Variants in MAP9 observed in about 807,000 individuals in gnomAD.
The protein encoded by MAP9 is microtubule associated protein 9.
MAP9 carries 80 observed loss-of-function variants against 75.2 expected under a neutral mutation model. That is an observed-to-expected ratio of 1.06 (90% CI 0.89 to 1.28). The LOEUF (loss-of-function observed/expected upper bound fraction) is 1.28. Ranked by LOEUF, MAP9 falls within the 50% of genes most tolerant of loss-of-function variation. The pLI is 0.00. For synonymous variants in MAP9, 235 were observed against 237.3 expected (o/e 0.99, Z 0.09); for missense variants, 753 against 719.9 (o/e 1.05, Z -0.53).
chr4:155,360,563 A>G, intron 6 of MAP9, 148 bp from the exon 7 acceptor site: 2 of 756,978 alleles, frequency 2.6e-6, no homozygotes, highest in South Asian at 4.4e-5. Context: ...TTAAACTTGC[A>G]TAAACTCTTT....
chr4:155,367,034 C>T (rs1732361798), intron 5 of MAP9, among the ~76,000 whole-genome samples: 1 of 152,066 alleles, frequency 6.6e-6, no homozygotes, highest in Non-Finnish European at 1.5e-5. Flanking sequence ...AATCACATCC[C>T]ACAATAAAAT....
intron 2 of MAP9, among the ~76,000 whole-genome samples, chr4:155,375,252 T>C (rs1476076544): frequency 1.3e-5 from 2 of 152,164 alleles, no homozygotes; most frequent in Non-Finnish European, 2.9e-5. Flanking sequence ...GCAGTTTAAC[T>C]AGAGGAGACA....
intron 5 of MAP9, among the ~76,000 whole-genome samples, chr4:155,363,994 C>T (rs1448252887): frequency 2.0e-5 from 3 of 152,012 alleles, no homozygotes; most frequent in East Asian, 1.9e-4. Flanking sequence ...GAAAGCTCAA[C>T]AAACGTCAAG....
rs1449787656 is a variant in MAP9, at chr4:155,353,205, C to T, written c.1516G>A (p.Ala506Thr). ...TGTAGTGCTTCTCCTTTTCTTGCAGCATTTTCTTCTTCAGTTTTCTTCTTG... is the reference window on the plus strand; with the variant it reads ...TGTAGTGCTTCTCCTTTTCTTGCAGTATTTTCTTCTTCAGTTTTCTTCTTG... ...KNKKKTEEENAARKGEALQAF... is the reference protein window; with the variant it reads ...KNKKKTEEENTARKGEALQAF... The change falls in exon 11 of 14, where the codon GCT (alanine) becomes ACT (threonine). Residue 506 changes from alanine (A) to threonine (T), a missense_variant. Physicochemically the swap from Ala to Thr is moderately conservative, Grantham distance 58. Coordinates refer to ENST00000311277, the MANE Select transcript of MAP9 (RefSeq NM_001039580.2). The T allele has an allele frequency of 6.3e-7, 1 of 1,597,248 alleles. No homozygotes were observed. The highest frequency in any genetic ancestry group is 1.8e-5 in the Admixed American group (1 of 57,100).
chr4:155,368,516 T>C (rs755301137), intron 5 of MAP9, 70 bp downstream of exon 5: 8 of 1,253,402 alleles, frequency 6.4e-6, no homozygotes, highest in Non-Finnish European at 9.4e-6. Flanking sequence ...TCTCTCCTTC[T>C]CTTTTTCATA....
intron 2 of MAP9, 109 bp downstream of exon 2, chr4:155,375,667 A>G (rs1478931073): frequency 3.4e-6 from 2 of 584,822 alleles, no homozygotes; most frequent in Non-Finnish European, 5.7e-6. Context: ...CCTCAAAAGT[A>G]ATATAAGATT....
chr4:155,362,959 G>C (rs1732155896), intron 5 of MAP9: 1 of 152,158 alleles, frequency 6.6e-6, no homozygotes, highest in African/African-American at 2.4e-5. Flanking sequence ...GTAGCTTTTT[G>C]CCAGAAGGCA....
chr4:155,350,135 A>G, intron 13 of MAP9: 1 of 335,082 alleles, frequency 3.0e-6, no homozygotes, highest in Non-Finnish European at 5.8e-6. Context: ...TACCCACCAA[A>G]TGCTTACTGT....
rs375828557 is a variant in MAP9 at position 155,345,956 on chromosome 4, A to T, written c.*1827T>A. ...TACTATGGGGGACACAGGAATGAGTAAGAGAGGTCCTAAATTCCATGCTGA... is the reference window on the plus strand; with the variant it reads ...TACTATGGGGGACACAGGAATGAGTTAGAGAGGTCCTAAATTCCATGCTGA... On this transcript the variant is annotated 3_prime_UTR_variant, in exon 14 of 14. Coordinates refer to ENST00000311277, the MANE Select transcript of MAP9 (RefSeq NM_001039580.2). 6.6e-6 allele frequency: 1 copy of T among 152,186 alleles called. No individual in the cohort carries two copies. The highest frequency in any genetic ancestry group is 1.5e-5 in the Non-Finnish European group (1 of 68,032). 9.4% of individuals were successfully genotyped at this position (152,186 alleles called of 1,614,324 possible).
chr4:155,375,058 A>C, intron 2 of MAP9, 37 bp from the exon 3 acceptor site: 2 of 1,410,922 alleles, frequency 1.4e-6, no homozygotes, highest in Non-Finnish European at 2.0e-6. Flanking sequence ...CCATCCAAAC[A>C]TGGAGGTATC....
rs1395179620 is a variant in MAP9, at chr4:155,375,866, G to C, written c.-16C>G. 13 of 1,560,492 alleles carry C rather than the reference G, an allele frequency of 8.3e-6. No individual in the cohort carries two copies. The South Asian group carries it at 1.4e-4, about 16-fold the overall frequency. On this transcript the variant is annotated 5_prime_UTR_variant, in exon 2 of 14. Coordinates refer to ENST00000311277, the MANE Select transcript of MAP9 (RefSeq NM_001039580.2). ...CATCAGACATAGTGTATTTTTTCTCGTTACCTTTATAAAATAGCTAATTAT... is the reference window on the plus strand; with the variant it reads ...CATCAGACATAGTGTATTTTTTCTCCTTACCTTTATAAAATAGCTAATTAT...
rs375108725 is a variant in MAP9 at position 155,347,869 on chromosome 4, G to A, written c.1858C>T (p.Gln620Ter). The A allele has an allele frequency of 5.1e-6, 8 of 1,579,164 alleles. No homozygotes were observed. The highest frequency in any genetic ancestry group is 1.4e-5 in the African/African-American group (1 of 73,736). The change falls in exon 14 of 14, where the codon CAG becomes TAG. Residue 620 changes from glutamine (Q) to a stop codon, truncating the protein, a stop_gained. Coordinates refer to ENST00000311277, the MANE Select transcript of MAP9 (RefSeq NM_001039580.2). LOFTEE classifies it high-confidence loss of function. The stretch of plus-strand genomic sequence containing the variant: ...TCAAGAAAGGAATGACGTTTCTTCT[G>A]TTTTCGTTCAATTCTTTCTTGTTTT... ...KEKQERIERK[Q>*]KKRHSFLESE... is the part of the protein sequence containing the mutation.
chr4:155,362,982 T>G (rs533065627), intron 5 of MAP9: 1 of 152,308 alleles, frequency 6.6e-6, no homozygotes, highest in Admixed American at 6.5e-5. Flanking sequence ...CTCCAGTCTA[T>G]GCAGCTCAAG....
chr4:155,353,142 G>T lies in MAP9; in HGVS notation c.1542+37C>A, dbSNP rs1329828048. ...TTAATCATTAATTTGGATTTCAAAT[G>T]TTTTAAAATAATTAAGATGTGCAAA... On this transcript the variant is annotated intron_variant, in intron 11 of 13. Coordinates refer to ENST00000311277, the MANE Select transcript of MAP9 (RefSeq NM_001039580.2). The T allele has an allele frequency of 2.6e-6, 4 of 1,546,426 alleles. No homozygotes were observed. In the East Asian group the frequency reaches 9.1e-5, roughly 35 times the overall value.
intron 10 of MAP9, 94 bp downstream of exon 10, chr4:155,354,976 GC>G (rs1731701592): frequency 3.8e-6 from 2 of 532,792 alleles, no homozygotes; most frequent in Non-Finnish European, 6.6e-6. Context: ...AAGTTATTTT[GC>G]CATTTAAAAA....
Position 155,375,762 on chromosome 4 carries a change from T to A in MAP9, c.75+14A>T. On this transcript the variant is annotated intron_variant, in intron 2 of 13. Transcript: ENST00000311277. ...GTTTACACTGTGAAATGATTCCAAA[T>A]AAAAATACTTTACCTGGAAAGTAGT... is the stretch of plus-strand genomic sequence containing the variant. The A allele has an allele frequency of 6.5e-7, 1 of 1,546,146 alleles. No homozygotes were observed. The highest frequency in any genetic ancestry group is 8.9e-7 in the Non-Finnish European group (1 of 1,120,490).
chr4:155,356,408 A>G (rs2111215758), intron 8 of MAP9, among the ~76,000 whole-genome samples: 1 of 152,332 alleles, frequency 6.6e-6, no homozygotes, highest in Middle Eastern at 3.4e-3. Context: ...CCCCTTCAAC[A>G]TAATTTAAAT....
At chr4:155,362,251 C>A (rs1208378917) in intron 5 of MAP9, 110 bp from the exon 6 acceptor site, 1 of 687,334 alleles carries the variant, frequency 1.5e-6, no homozygotes. Context: ...ACTCTGAAAT[C>A]TGCATTATTT....
chr4:155,365,141 C>T (rs1578852995), intron 5 of MAP9, among the ~76,000 whole-genome samples: 1 of 151,976 alleles, frequency 6.6e-6, no homozygotes, highest in Non-Finnish European at 1.5e-5. Context: ...TGACACCAAA[C>T]TCTTATTGTA....
Sources: gnomAD v4.1 joint callset for allele counts (sites outside exome capture counted in the v4.1 genomes callset) on GRCh38, gnomAD v4.1.1 for gene constraint, MANE v1.5 for transcripts, NCBI Gene and HGNC (gene_info 2026-07-23, HGNC 2026-07-21) for gene names.